The following EPN2 variants were observed in gnomAD, a reference collection of about 807,000 sequenced individuals.
EPN2 encodes the protein epsin 2.
EPN2 carries 34 observed loss-of-function variants against 61.7 expected under a neutral mutation model. The ratio of observed to expected loss-of-function variants is 0.55; its 90% confidence interval spans 0.42 to 0.73. The LOEUF (loss-of-function observed/expected upper bound fraction) is 0.73. Ranked by LOEUF, EPN2 falls within the 30% of genes least tolerant of loss-of-function variation. The probability of loss-of-function intolerance (pLI) is 0.00; values close to 1 mark genes in which losing one functional copy is unlikely to be tolerated. For synonymous variants in EPN2, 349 were observed against 353.6 expected (o/e 0.99, Z 0.15); for missense variants, 714 against 839.2 (o/e 0.85, Z 1.84).
intron 4 of EPN2, among the ~76,000 whole-genome samples, chr17:19,294,997 G>A (rs1567858013): frequency 6.6e-6 from 1 of 152,106 alleles, no homozygotes; most frequent in Non-Finnish European, 1.5e-5. Flanking sequence ...GGGAAGGCAT[G>A]CAGATAGATT....
chr17:19,309,908 G>A lies in EPN2; in HGVS notation c.790G>A (p.Glu264Lys), dbSNP rs780186428. The A allele has an allele frequency of 4.4e-6, 7 of 1,608,530 alleles. No individual in the cohort carries two copies. The highest frequency in any genetic ancestry group is 2.2e-5 in the East Asian group (1 of 44,866). The change falls in exon 5 of 11, where the codon GAG becomes AAG. Residue 264 changes from glutamate (E) to lysine (K), a missense_variant. Coordinates refer to ENST00000314728, the MANE Select transcript of EPN2 (RefSeq NM_014964.5). ...ARATSPRVSS[E>K]LEQARPQTSG... Reference sequence around the variant, plus strand: ...AGCCACCTCCCCGCGAGTGTCCTCCGAGCTGGAGCAAGCCCGGCCCCAGAC... The same window carrying A: ...AGCCACCTCCCCGCGAGTGTCCTCCAAGCTGGAGCAAGCCCGGCCCCAGAC...
chr17:19,313,047 G>GTTCATAAAT, intron 6 of EPN2, 58 bp from the exon 7 acceptor site: 1 of 1,558,974 alleles, frequency 6.4e-7, no homozygotes, highest in South Asian at 1.2e-5. Context: ...GCTAGTTCAT[G>GTTCATAAAT]AGTATTTGCT....
chr17:19,316,688 A>G (rs2152234201), intron 7 of EPN2, among the ~76,000 whole-genome samples: 1 of 152,316 alleles, frequency 6.6e-6, no homozygotes, highest in East Asian at 1.9e-4. Context: ...TGTATATTTC[A>G]ATTTGTAGTG....
At chr17:19,264,727 G>C (rs989712664) in intron 1 of EPN2, among the ~76,000 whole-genome samples, 12 of 152,168 alleles carry the variant, frequency 7.9e-5, no homozygotes, top group African/African-American at 1.9e-4. Flanking sequence ...AGAGAGAAAG[G>C]GGGGAGTGTG....
rs138271394 is a variant in EPN2 at position 19,328,839 on chromosome 17, T to G, written c.1276T>G (p.Ser426Ala). ...TGCCTCCAGTGCTGGGAAAAGAGCT[T>G]CTGACGCGTGGGGCGCAGTCTCCAC... ...QPASSAGKRA[S>A]DAWGAVSTTK... The change falls in exon 8 of 11, where the codon TCT becomes GCT. Residue 426 changes from serine (S) to alanine (A), a missense_variant. Around this residue, in one of 2 missense-constraint regions of EPN2, gnomAD observed 410 missense variants for 421.8 expected, o/e 0.97. Coordinates refer to ENST00000314728, the MANE Select transcript of EPN2 (RefSeq NM_014964.5). 3.0e-4 allele frequency: 484 copies of G among 1,613,304 alleles called. 1 individual carries two copies. The highest frequency in any genetic ancestry group is 3.6e-4 in the Non-Finnish European group (421 of 1,179,588).
At chr17:19,328,197 G>C (rs1906984055) in intron 7 of EPN2, among the ~76,000 whole-genome samples, 1 of 152,122 alleles carries the variant, frequency 6.6e-6, no homozygotes, top group South Asian at 2.1e-4. Context: ...TTTTATACAG[G>C]ACTCATCCAT....
chr17:19,307,784 G>A (rs1905922520), intron 4 of EPN2: 1 of 436,862 alleles, frequency 2.3e-6, no homozygotes, highest in African/African-American at 2.2e-5. Flanking sequence ...CTGCCCAGAA[G>A]CAGCCTCTTT....
At chr17:19,254,499 C>T (rs2045051639) in intron 1 of EPN2, among the ~76,000 whole-genome samples, 1 of 152,130 alleles carries the variant, frequency 6.6e-6, no homozygotes, top group South Asian at 2.1e-4. Flanking sequence ...TAAGATCGCA[C>T]CACCGCACTC....
intron 4 of EPN2, chr17:19,308,254 A>G (rs1024835185): frequency 2.1e-5 from 13 of 610,012 alleles, no homozygotes; most frequent in African/African-American, 6.0e-5. Flanking sequence ...TTGTGTTTTT[A>G]GTAGAGACCG....
At chr17:19,329,305 G>A in intron 8 of EPN2, 1 of 479,970 alleles carries the variant, frequency 2.1e-6, no homozygotes, top group Non-Finnish European at 3.7e-6. Flanking sequence ...GCCTTTTGGG[G>A]TGAGGGTGTT....
At chr17:19,312,313 C>G (rs1211820268) in intron 6 of EPN2, among the ~76,000 whole-genome samples, 169 bp downstream of exon 6, 1 of 152,212 alleles carries the variant, frequency 6.6e-6, no homozygotes, top group Admixed American at 6.5e-5. Flanking sequence ...CGACTGAAAA[C>G]ACACCTGAAC....
At position 19,237,435 on chromosome 17, in the gene EPN2, G is replaced by A. The variant is rs1228463979; in HGVS notation, c.-390G>A. ...GTGGGTGTCAAACTGAGCCAGACGC[G>A]GCGGTGGCGGCGGCTCCGCGGGCTA... On this transcript the variant is annotated 5_prime_UTR_variant, in exon 1 of 11. Coordinates refer to ENST00000314728, the MANE Select transcript of EPN2 (RefSeq NM_014964.5). The A allele has an allele frequency of 2.6e-5, 4 of 152,014 alleles. No homozygotes were observed. Among genetic ancestry groups the A allele is most frequent in the African/African-American group, 9.7e-5 (4 of 41,414 alleles). The allele number at this position is 152,014 out of a possible 1,614,324, so 9.4% of individuals were successfully genotyped here.
intron 7 of EPN2, among the ~76,000 whole-genome samples, chr17:19,322,268 A>G (rs981437892): frequency 6.6e-6 from 1 of 152,208 alleles, no homozygotes; most frequent in African/African-American, 2.4e-5. Context: ...CGAAAGGCAC[A>G]AGTATCCATG....
At chr17:19,302,601 C>G (rs1216729711) in intron 4 of EPN2, among the ~76,000 whole-genome samples, 2 of 152,210 alleles carry the variant, frequency 1.3e-5, no homozygotes, top group Non-Finnish European at 2.9e-5. Flanking sequence ...AGGAAACAAG[C>G]TCAGGGCTCC....
chr17:19,287,289 G>C (rs746599966), intron 4 of EPN2, among the ~76,000 whole-genome samples: 2 of 152,034 alleles, frequency 1.3e-5, no homozygotes, highest in Non-Finnish European at 2.9e-5. Flanking sequence ...TCCACCCCGT[G>C]TGGATTTATG....
At chr17:19,302,375 A>G (rs1907216880) in intron 4 of EPN2, among the ~76,000 whole-genome samples, 1 of 152,218 alleles carries the variant, frequency 6.6e-6, no homozygotes, top group Non-Finnish European at 1.5e-5. Flanking sequence ...CCACAGACCC[A>G]AAGCTTCATC....
chr17:19,308,317 G>T lies in EPN2; in HGVS notation c.767-1568G>T, dbSNP rs983454405. 4 of 932,726 alleles carry T rather than the reference G, an allele frequency of 4.3e-6. No individual in the cohort carries two copies. In the African/African-American group the frequency reaches 7.1e-5, roughly 17 times the overall value. 57.8% of individuals were successfully genotyped at this position (932,726 alleles called of 1,614,324 possible). ...TAGAACTCCTGGCCTCAGGTGATCC[G>T]CCCGTCTCAGCCTCCCAAAGTGCTA... On this transcript the variant is annotated intron_variant, in intron 4 of 10. Transcript: ENST00000314728.
chr17:19,288,645 T>C (rs959749941), intron 4 of EPN2, among the ~76,000 whole-genome samples: 1 of 151,936 alleles, frequency 6.6e-6, no homozygotes, highest in Non-Finnish European at 1.5e-5. Context: ...ATGGCCAGTA[T>C]GTGGGGGTGG....
intron 1 of EPN2, chr17:19,271,668 C>T (rs1040109719): frequency 6.6e-6 from 1 of 152,298 alleles, no homozygotes; most frequent in Non-Finnish European, 1.5e-5. Context: ...CAGAAATCTA[C>T]CGTGTTCCTC....
Sources: gnomAD v4.1 joint callset for allele counts (sites outside exome capture counted in the v4.1 genomes callset) on GRCh38, gnomAD v4.1.1 for gene constraint, gnomAD v4.1.1 regional missense constraint, MANE v1.5 for transcripts, NCBI Gene and HGNC (gene_info 2026-07-23, HGNC 2026-07-21) for gene names.